The following GBE1 variants were observed in gnomAD, a reference collection of about 807,000 sequenced individuals.
GBE1 encodes 1,4-alpha-glucan branching enzyme 1, also known as 1,4-alpha-glucan-branching enzyme.
GBE1 carries 70 observed loss-of-function variants against 88.8 expected under a neutral mutation model. The ratio of observed to expected loss-of-function variants is 0.79; its 90% CI spans 0.65 to 0.96. The LOEUF (loss-of-function observed/expected upper bound fraction) is 0.96. Among genes scored for constraint, GBE1 ranks in the 40% least tolerant of loss-of-function variants. The pLI, the probability that GBE1 is intolerant of heterozygous loss-of-function variation, is 0.00. For synonymous variants in GBE1, 284 were observed against 300.1 expected (o/e 0.95, Z 0.56); for missense variants, 872 against 871.0 (o/e 1.00, Z -0.01).
chr3:81,661,351 T>C (rs958170581), intron 3 of GBE1, among the ~76,000 whole-genome samples: 7 of 152,178 alleles, frequency 4.6e-5, no homozygotes, highest in Non-Finnish European at 7.3e-5. Context: ...AACAGAACTT[T>C]ATGGACAGTA....
At chr3:81,661,863 A>T (rs1405522901) in intron 3 of GBE1, among the ~76,000 whole-genome samples, 2 of 152,178 alleles carry the variant, frequency 1.3e-5, no homozygotes, top group African/African-American at 4.8e-5. Context: ...CAGGGAATAT[A>T]TTTCCTAAAA....
rs1486793294 is a variant in GBE1, at chr3:81,722,927, A to AAT, written c.144-17316_144-17315dup. Among the ~76,000 whole-genome samples, 101 of 140,360 alleles carry AAT rather than the reference A, an allele frequency of 7.2e-4. 1 individual carries two copies. The highest frequency in any genetic ancestry group is 2.5e-3 in the African/African-American group (96 of 37,766). The allele number at this position is 140,360 out of a possible 152,430, so 92.1% of individuals were successfully genotyped here. On this transcript the variant is annotated intron_variant, in intron 1 of 15. Coordinates refer to ENST00000429644, the MANE Select transcript of GBE1 (RefSeq NM_000158.4). ...ATATATATATATATACACACAAGTA[A>AAT]ATATATATGTACTTATATACACATA...
chr3:81,596,275 G>T (rs1703956086), intron 7 of GBE1, among the ~76,000 whole-genome samples: 1 of 151,640 alleles, frequency 6.6e-6, no homozygotes, highest in Non-Finnish European at 1.5e-5. Flanking sequence ...TAATTCTCTG[G>T]CTAAGTCAAT....
intron 2 of GBE1, among the ~76,000 whole-genome samples, chr3:81,690,833 C>T (rs373475587): frequency 2.3e-4 from 35 of 151,890 alleles, no homozygotes; most frequent in African/African-American, 8.4e-4. Context: ...ATTTATGATT[C>T]CCTTTATTGT....
chr3:81,525,721 G>T (rs533740317), intron 14 of GBE1, among the ~76,000 whole-genome samples: 2 of 152,000 alleles, frequency 1.3e-5, no homozygotes, highest in African/African-American at 4.8e-5. Context: ...CCTGTTATTG[G>T]TCTATTCAGA....
chr3:81,723,503 C>A (rs577312123), intron 1 of GBE1, among the ~76,000 whole-genome samples: 1 of 152,234 alleles, frequency 6.6e-6, no homozygotes, highest in Admixed American at 6.5e-5. Context: ...TTAATTTTTT[C>A]ACCTTAGATT....
At chr3:81,568,037 C>T (rs531548134) in intron 12 of GBE1, among the ~76,000 whole-genome samples, 7 of 152,304 alleles carry the variant, frequency 4.6e-5, no homozygotes, top group African/African-American at 1.7e-4. Flanking sequence ...AGCATTTTCC[C>T]ACCCCTGGGC....
chr3:81,616,437 T>C (rs1245518564), intron 7 of GBE1, among the ~76,000 whole-genome samples: 2 of 152,132 alleles, frequency 1.3e-5, no homozygotes, highest in African/African-American at 4.8e-5. Context: ...ACAGCTCTCG[T>C]ATCATTTGTT....
intron 7 of GBE1, among the ~76,000 whole-genome samples, chr3:81,629,018 G>GTTTTTTTTTT (rs34707682): frequency 3.5e-4 from 34 of 97,962 alleles, no homozygotes; most frequent in East Asian, 7.3e-4. Context: ...TTATGTTTAA[G>GTTTTTTTTTT]TTTTTTTTTT....
intron 2 of GBE1, among the ~76,000 whole-genome samples, chr3:81,696,155 T>C (rs1307465361): frequency 1.3e-5 from 2 of 151,740 alleles, no homozygotes; most frequent in Non-Finnish European, 2.9e-5. Flanking sequence ...AAGAGGAAAA[T>C]AATCTGAAAT....
chr3:81,582,850 A>G (rs1703752799), intron 10 of GBE1, among the ~76,000 whole-genome samples: 2 of 152,086 alleles, frequency 1.3e-5, no homozygotes, highest in Non-Finnish European at 2.9e-5. Context: ...CAAAAGAGAG[A>G]CCTATACAAG....
chr3:81,618,554 CTT>C (rs1376340957), intron 7 of GBE1, among the ~76,000 whole-genome samples: 1 of 152,074 alleles, frequency 6.6e-6, no homozygotes, highest in Admixed American at 6.6e-5. Flanking sequence ...GAGGAATAAA[CTT>C]TGAATAGCAG....
At chr3:81,625,801 A>G (rs181527283) in intron 7 of GBE1, among the ~76,000 whole-genome samples, 31 of 152,284 alleles carry the variant, frequency 2.0e-4, no homozygotes, top group African/African-American at 6.7e-4. Flanking sequence ...TTAATCACCA[A>G]ATGTACAGCT....
chr3:81,646,876 C>CT (rs1704772105), intron 5 of GBE1, among the ~76,000 whole-genome samples: 1 of 151,416 alleles, frequency 6.6e-6, no homozygotes, highest in African/African-American at 2.4e-5. Flanking sequence ...TATTTTGACT[C>CT]TATGTATTTC....
intron 1 of GBE1, among the ~76,000 whole-genome samples, chr3:81,714,917 A>G (rs1441929074): frequency 6.6e-6 from 1 of 152,136 alleles, no homozygotes; most frequent in Non-Finnish European, 1.5e-5. Context: ...CTCTTCTTAT[A>G]AAGCCACTAA....
intron 1 of GBE1, among the ~76,000 whole-genome samples, chr3:81,756,902 A>G (rs1280145695): frequency 6.6e-6 from 1 of 152,208 alleles, no homozygotes; most frequent in African/African-American, 2.4e-5. Flanking sequence ...TTCATGGGGT[A>G]GAGAAATTGT....
intron 14 of GBE1, among the ~76,000 whole-genome samples, chr3:81,512,899 CTAAT>C (rs1423816721): frequency 6.6e-6 from 1 of 151,502 alleles, no homozygotes; most frequent in African/African-American, 2.4e-5. Flanking sequence ...ATTCATACGA[CTAAT>C]TAAATTCTCA....
intron 7 of GBE1, among the ~76,000 whole-genome samples, chr3:81,619,494 G>A (rs373566771): frequency 4.6e-5 from 7 of 152,098 alleles, no homozygotes; most frequent in African/African-American, 1.7e-4. Flanking sequence ...TTTCATTTGA[G>A]TGTATATGTC....
intron 1 of GBE1, chr3:81,743,767 C>T (rs1377518526): frequency 2.4e-5 from 13 of 552,024 alleles, no homozygotes; most frequent in East Asian, 1.6e-4. Context: ...CTTTATAGGA[C>T]GGACATGATG....
Sources: allele counts gnomAD v4.1 joint callset (sites outside exome capture counted in the v4.1 genomes callset), GRCh38; gene constraint gnomAD v4.1.1; transcripts MANE v1.5; gene names NCBI Gene and HGNC (gene_info 2026-07-23, HGNC 2026-07-21).